Variants in BIN3 observed in about 807,000 individuals in gnomAD.
BIN3 encodes bridging integrator 3.
Under a neutral mutation model 38.2 loss-of-function variants are expected in BIN3, and 41 were observed. That is an observed-to-expected ratio of 1.07 (90% CI 0.84 to 1.39). The LOEUF (loss-of-function observed/expected upper bound fraction) is 1.39, where lower values mean the gene tolerates loss of function less well. BIN3 is among the 40% of genes most tolerant of loss of function. The pLI, the probability that BIN3 is intolerant of heterozygous loss-of-function variation, is 0.00. For missense variants in BIN3, 361 were observed against 324.3 expected (o/e 1.11, Z -0.87); for synonymous variants, 145 against 122.6 (o/e 1.18, Z -1.21).
At chr8:22,657,407 C>T (rs994374840) in intron 1 of BIN3, among the ~76,000 whole-genome samples, 2 of 152,206 alleles carry the variant, frequency 1.3e-5, no homozygotes, top group African/African-American at 2.4e-5. Flanking sequence ...TACCCACCAG[C>T]GCTGGGGTCC....
At chr8:22,666,874 A>C (rs1333502176) in intron 1 of BIN3, among the ~76,000 whole-genome samples, 1 of 152,032 alleles carries the variant, frequency 6.6e-6, no homozygotes, top group African/African-American at 2.4e-5. Flanking sequence ...GCTCTACGTC[A>C]CTCTGGTCTC....
intron 4 of BIN3, among the ~76,000 whole-genome samples, chr8:22,635,835 G>A (rs76178986): frequency 0.033 from 4,986 of 152,180 alleles, 276 homozygotes; most frequent in African/African-American, 0.11. Flanking sequence ...CATCTCTCCC[G>A]GCTGCTCGTC....
At chr8:22,633,786 C>T (rs1041402574) in intron 4 of BIN3, among the ~76,000 whole-genome samples, 3 of 152,300 alleles carry the variant, frequency 2.0e-5, no homozygotes, top group East Asian at 1.9e-4. Flanking sequence ...TGGGGCCCAG[C>T]GGCCCACGGC....
chr8:22,636,767 A>G (rs1237311730), intron 3 of BIN3, 155 bp downstream of exon 3: 1 of 1,020,654 alleles, frequency 9.8e-7, no homozygotes, highest in Non-Finnish European at 1.5e-6. Context: ...TCACATGGCC[A>G]TTGCCAGGGA....
At chr8:22,644,919 C>T in intron 1 of BIN3, 116 bp from the exon 2 acceptor site, 1 of 873,810 alleles carries the variant, frequency 1.1e-6, no homozygotes, top group East Asian at 2.7e-5. Flanking sequence ...GTGGCCATGG[C>T]TTGCTACTTG....
At chr8:22,647,103 G>C (rs1352756142) in intron 1 of BIN3, among the ~76,000 whole-genome samples, 2 of 152,162 alleles carry the variant, frequency 1.3e-5, no homozygotes, top group Admixed American at 1.3e-4. Flanking sequence ...ATAAAACAAA[G>C]GAGTTGGAAT....
At chr8:22,635,629 A>C (rs1802343366) in intron 4 of BIN3, among the ~76,000 whole-genome samples, 1 of 151,666 alleles carries the variant, frequency 6.6e-6, no homozygotes, top group South Asian at 2.1e-4. Flanking sequence ...ATCCAACTTC[A>C]TCTTCAGCAA....
At chr8:22,665,345 T>C (rs1803382379) in intron 1 of BIN3, among the ~76,000 whole-genome samples, 1 of 152,226 alleles carries the variant, frequency 6.6e-6, no homozygotes, top group Non-Finnish European at 1.5e-5. Context: ...CCCATTCATA[T>C]ATTTAATAAA....
chr8:22,651,827 T>C (rs1038546249), intron 1 of BIN3, among the ~76,000 whole-genome samples: 17 of 152,218 alleles, frequency 1.1e-4, no homozygotes, highest in Non-Finnish European at 2.2e-4. Context: ...CTGTTTCAAT[T>C]TGGCAATTTA....
In BIN3 at chr8:22,630,452, T is replaced by A. The variant is rs759183445; in HGVS notation, c.287A>T (p.Asn96Ile). 1 of 1,613,978 alleles carries A rather than the reference T, an allele frequency of 6.2e-7. No homozygotes were observed. The highest frequency in any genetic ancestry group is 8.5e-7 in the Non-Finnish European group (1 of 1,179,850). ...DTAMKRMDAFNQEKVNQIQKT... is the reference protein window; with the variant it reads ...DTAMKRMDAFIQEKVNQIQKT... ...CCAAGACCTAGTCACCTTTTCCTGA[T>A]TGAAGGCATCCATCCGCTTCATGGC... is the stretch of plus-strand genomic sequence containing the variant. The change falls in exon 5 of 9, where the codon AAT (asparagine) becomes ATT (isoleucine). Residue 96 changes from asparagine (N) to isoleucine (I), a missense_variant. Transcript: ENST00000276416.
chr8:22,662,087 G>A (rs973360028), intron 1 of BIN3, among the ~76,000 whole-genome samples: 2 of 152,158 alleles, frequency 1.3e-5, no homozygotes, highest in Non-Finnish European at 2.9e-5. Flanking sequence ...GAGCCAACAC[G>A]CCCGGCCCAT....
chr8:22,627,187 G>T (rs1030552077), intron 6 of BIN3, among the ~76,000 whole-genome samples: 1 of 152,190 alleles, frequency 6.6e-6, no homozygotes, highest in East Asian at 1.9e-4. Context: ...AACCACGGTG[G>T]GGGGAGGTTG....
intron 6 of BIN3, chr8:22,629,619 G>A: frequency 2.8e-6 from 1 of 352,502 alleles, no homozygotes; most frequent in African/African-American, 2.0e-5. Context: ...CTGAGGGCTG[G>A]CCAAGATCTC....
chr8:22,636,489 T>A, intron 4 of BIN3, 36 bp downstream of exon 4: 1 of 1,549,220 alleles, frequency 6.5e-7, no homozygotes. Context: ...CTGCCCCACC[T>A]GCTCAAGCGA....
intron 8 of BIN3, among the ~76,000 whole-genome samples, 188 bp downstream of exon 8, chr8:22,623,727 C>A (rs1342936355): frequency 6.6e-6 from 1 of 152,220 alleles, no homozygotes; most frequent in African/African-American, 2.4e-5. Flanking sequence ...AGGAGTCTAA[C>A]AGCAGACAGG....
At chr8:22,658,045 T>C (rs1238172348) in intron 1 of BIN3, among the ~76,000 whole-genome samples, 1 of 152,122 alleles carries the variant, frequency 6.6e-6, no homozygotes, top group African/African-American at 2.4e-5. Context: ...AGAGCCAGAG[T>C]GAAGACAAGG....
chr8:22,622,472 TGGC>T (rs1243182556), intron 8 of BIN3: 1 of 152,478 alleles, frequency 6.6e-6, no homozygotes, highest in Non-Finnish European at 1.5e-5. Flanking sequence ...ACCTCTGGGC[TGGC>T]GGCGGCCCAC....
chr8:22,655,660 T>A (rs909765161), intron 1 of BIN3, among the ~76,000 whole-genome samples: 1 of 152,246 alleles, frequency 6.6e-6, no homozygotes, highest in Non-Finnish European at 1.5e-5. Context: ...ACAACCTTCA[T>A]TACTGTAGCT....
Position 22,630,108 on chromosome 8 carries a change from C to G in BIN3, c.298-104G>C. ...AAGGGCTAGGAAGTCTAAAGGGCCA[C>G]AGGGTGCTGTCCTTGTCCTGGGCCT... On this transcript the variant is annotated intron_variant, in intron 5 of 8. Transcript: ENST00000276416. The G allele has an allele frequency of 4.8e-6, 6 of 1,247,176 alleles. 1 individual carries two copies. In the South Asian group the frequency reaches 6.4e-5, roughly 13 times the overall value. The allele number at this position is 1,247,176 out of a possible 1,614,324, so 77.3% of individuals were successfully genotyped here.
Sources: gnomAD v4.1 joint callset for allele counts (sites outside exome capture counted in the v4.1 genomes callset) on GRCh38, gnomAD v4.1.1 for gene constraint, MANE v1.5 for transcripts, NCBI Gene and HGNC (gene_info 2026-07-23, HGNC 2026-07-21) for gene names.